NINL: variants seen among roughly 807,000 people sequenced by gnomAD.
NINL encodes ninein-like protein.
Under a neutral mutation model 160.3 loss-of-function variants are expected in NINL, and 153 were observed. The ratio of observed to expected loss-of-function variants is 0.95; its 90% CI spans 0.84 to 1.09. The LOEUF (loss-of-function observed/expected upper bound fraction) is 1.09, where lower values mean the gene tolerates loss of function less well. Among genes scored for constraint, NINL ranks in the 50% least tolerant of loss-of-function variants. The probability of loss-of-function intolerance (pLI) is 0.00; values close to 1 mark genes in which losing one functional copy is unlikely to be tolerated. For missense variants in NINL, 1,829 were observed against 1,764.0 expected, an observed-to-expected ratio of 1.04 and a Z score of -0.66; for synonymous variants, 800 against 734.8, an observed-to-expected ratio of 1.09 and a Z score of -1.43.
chr20:25,553,586 G>A (rs2064830125), intron 1 of NINL, among the ~76,000 whole-genome samples: 1 of 152,234 alleles, frequency 6.6e-6, no homozygotes, highest in African/African-American at 2.4e-5. Context: ...AATACAGCTA[G>A]GTTAGCATGA....
rs774363685 is a variant in NINL, at chr20:25,476,994, T to G, written c.2297A>C (p.Gln766Pro). Residue 766 changes from glutamine to proline, a missense_variant, in exon 17 of 24, where the codon CAG (glutamine) becomes CCG (proline). By Grantham distance (76) the Gln-to-Pro change is moderately conservative (BLOSUM62 -1). Coordinates refer to ENST00000278886, the MANE Select transcript of NINL (RefSeq NM_025176.6). ...CTGGCTCCCGCGTGGCAGGGGTCCCTGCGGCGGCTCCTCCAGCTCCAAGGT... is the reference window on the plus strand; with the variant it reads ...CTGGCTCCCGCGTGGCAGGGGTCCCGGCGGCGGCTCCTCCAGCTCCAAGGT... ...DLTLELEEPP[Q>P]GPLPRGSQRS... 1 of 1,603,040 alleles carries G rather than the reference T, an allele frequency of 6.2e-7. No homozygotes were observed. The highest frequency in any genetic ancestry group is 8.5e-7 in the Non-Finnish European group (1 of 1,179,686).
intron 17 of NINL, among the ~76,000 whole-genome samples, chr20:25,470,596 GA>G (rs2063071706): frequency 6.6e-6 from 1 of 152,214 alleles, no homozygotes; most frequent in Non-Finnish European, 1.5e-5. Context: ...GCCACTATGT[GA>G]ACCAAGTCTG....
intron 1 of NINL, among the ~76,000 whole-genome samples, chr20:25,548,787 C>A (rs2064769495): frequency 2.0e-5 from 3 of 148,608 alleles, no homozygotes; most frequent in Non-Finnish European, 4.5e-5. Context: ...ACAGCTCCCA[C>A]ACAGAGACTC....
At chr20:25,471,383 C>T (rs775551975) in intron 17 of NINL, among the ~76,000 whole-genome samples, 1 of 152,104 alleles carries the variant, frequency 6.6e-6, no homozygotes, top group African/African-American at 2.4e-5. Context: ...TAAATAGTCA[C>T]TGGAATTAAA....
intron 13 of NINL, among the ~76,000 whole-genome samples, chr20:25,486,256 A>G (rs1205054027): frequency 1.3e-5 from 2 of 152,268 alleles, no homozygotes; most frequent in African/African-American, 2.4e-5. Flanking sequence ...AAAAATCCAA[A>G]AAAAGGAAAG....
chr20:25,522,343 C>G (rs951103910), intron 2 of NINL, among the ~76,000 whole-genome samples: 3 of 152,304 alleles, frequency 2.0e-5, no homozygotes, highest in Admixed American at 2.0e-4. Flanking sequence ...AGCTCACTTG[C>G]CACTATCAGA....
intron 18 of NINL, among the ~76,000 whole-genome samples, chr20:25,469,274 A>C (rs1488955941): frequency 2.2e-4 from 3 of 13,544 alleles, no homozygotes; most frequent in African/African-American, 3.3e-4. Context: ...ACCCTGTCCC[A>C]ACTCTCACTG....
chr20:25,465,433 G>A lies in NINL; in HGVS notation c.3423+1956C>T, dbSNP rs112738817. Among the ~76,000 whole-genome samples, 411 of 152,308 alleles carry A rather than the reference G, an allele frequency of 2.7e-3. 1 individual carries two copies. Among genetic ancestry groups the A allele is most frequent in the African/African-American group, 9.0e-3 (376 of 41,562 alleles). ...GCTCCAGGGACTCAGTGGGAATAAC[G>A]TAGAGTGTGACTTCCGAGGAGGGCT... On this transcript the variant is annotated intron_variant, in intron 19 of 23. Transcript: ENST00000278886.
intron 1 of NINL, among the ~76,000 whole-genome samples, chr20:25,579,378 G>A (rs2067701736): frequency 6.6e-6 from 1 of 152,156 alleles, no homozygotes; most frequent in Non-Finnish European, 1.5e-5. Flanking sequence ...ACAGTGCCTG[G>A]CACCTACTGA....
chr20:25,479,328 G>A lies in NINL; in HGVS notation c.1918-122C>T, dbSNP rs537518065. 14 of 1,293,314 alleles carry A rather than the reference G, an allele frequency of 1.1e-5. No homozygotes were observed. The South Asian group carries it at 1.6e-4, about 15-fold the overall frequency. The allele number at this position is 1,293,314 out of a possible 1,614,324, so 80.1% of individuals were successfully genotyped here. A position where few individuals can be genotyped will look rare whatever the true frequency, so the allele number is the denominator to read the frequency against. On this transcript the variant is annotated intron_variant, in intron 15 of 23. Transcript: ENST00000278886. The stretch of plus-strand genomic sequence containing the variant: ...GCAAAGACCGGCATCCTGGCCTGCC[G>A]AGGTGCCAGGGTGTGCAGAAGGGGA...
intron 15 of NINL, 147 bp downstream of exon 15, chr20:25,480,014 T>G (rs1358621374): frequency 3.1e-6 from 2 of 640,698 alleles, no homozygotes; most frequent in Non-Finnish European, 5.6e-6. Flanking sequence ...ATTGCATTTC[T>G]CTACAAACTT....
At chr20:25,543,158 A>G (rs1016430007) in intron 1 of NINL, among the ~76,000 whole-genome samples, 4 of 152,196 alleles carry the variant, frequency 2.6e-5, no homozygotes, top group African/African-American at 9.6e-5. Context: ...AATCCTAAAG[A>G]TTACACAGAC....
rs1375478116 is a variant in NINL, at chr20:25,505,015, A to G, written c.581T>C (p.Phe194Ser). Residue 194 changes from phenylalanine (F) to serine (S), a missense_variant, in exon 6 of 24, where the codon TTT (phenylalanine) becomes TCT (serine). Coordinates refer to ENST00000278886, the MANE Select transcript of NINL (RefSeq NM_025176.6). ...CCGGATCTGGCTCTCTGGGGTGTCAAAGGAGGGGCTGCAGGACTTCTGGGG... is the reference window on the plus strand; with the variant it reads ...CCGGATCTGGCTCTCTGGGGTGTCAGAGGAGGGGCTGCAGGACTTCTGGGG... ...GSPQKSCSPS[F>S]DTPESQIRGV... 6.2e-7 allele frequency: 1 copy of G among 1,613,322 alleles called. No homozygotes were observed. The highest frequency in any genetic ancestry group is 2.2e-5 in the East Asian group (1 of 44,844).
chr20:25,475,109 C>T (rs2063198838), intron 17 of NINL, among the ~76,000 whole-genome samples: 1 of 151,562 alleles, frequency 6.6e-6, no homozygotes, highest in Non-Finnish European at 1.5e-5. Context: ...ATTCCTGATT[C>T]CTGGTGGTGC....
chr20:25,479,206 C>T lies in NINL; in HGVS notation c.1918G>A (p.Val640Ile), dbSNP rs767987874. 6 of 1,600,546 alleles carry T rather than the reference C, an allele frequency of 3.7e-6. No homozygotes were observed. The Admixed American group carries it at 1.0e-4, about 27-fold the overall frequency. ...QDLRTQLETKVNYYEREIAAL... is the reference protein window; with the variant it reads ...QDLRTQLETKINYYEREIAAL... ...GCAATTTCCCTTTCGTAGTAATTTA[C>T]CTAAAACGAGAAACATGAGCCCCGT... is the stretch of plus-strand genomic sequence containing the variant. Residue 640 changes from valine (V) to isoleucine (I), a missense_variant and splice_region_variant, in exon 16 of 24, where the codon GTA becomes ATA. By Grantham distance (29) the Val-to-Ile change is conservative. Coordinates refer to ENST00000278886, the MANE Select transcript of NINL (RefSeq NM_025176.6).
At chr20:25,521,351 A>G (rs959697595) in intron 2 of NINL, among the ~76,000 whole-genome samples, 4 of 152,242 alleles carry the variant, frequency 2.6e-5, no homozygotes, top group Non-Finnish European at 2.9e-5. Context: ...CTCTAAAAAA[A>G]TCTCTAATAT....
chr20:25,517,612 T>C, intron 3 of NINL, 141 bp downstream of exon 3: 1 of 635,296 alleles, frequency 1.6e-6, no homozygotes, highest in Non-Finnish European at 2.7e-6. Flanking sequence ...AAGTGTTTTT[T>C]CCAAGTCCAT....
At chr20:25,464,139 G>T (rs1025241887) in intron 19 of NINL, among the ~76,000 whole-genome samples, 1 of 152,178 alleles carries the variant, frequency 6.6e-6, no homozygotes, top group Non-Finnish European at 1.5e-5. Flanking sequence ...TTTGGTGGCT[G>T]GGCGTGGTGG....
chr20:25,522,909 A>G (rs2064288256), intron 2 of NINL, among the ~76,000 whole-genome samples: 1 of 152,186 alleles, frequency 6.6e-6, no homozygotes, highest in Admixed American at 6.5e-5. Flanking sequence ...AGAGGCTGCA[A>G]TGTGTGATCT....
Sources: gnomAD v4.1 joint callset for allele counts (sites outside exome capture counted in the v4.1 genomes callset) on GRCh38, gnomAD v4.1.1 for gene constraint, MANE v1.5 for transcripts, NCBI Gene and HGNC (gene_info 2026-07-23, HGNC 2026-07-21) for gene names.